The following BTBD16 variants were observed in gnomAD, a reference collection of about 807,000 sequenced individuals.
The protein encoded by BTBD16 is BTB domain containing 16.
Under a neutral mutation model 67.4 loss-of-function variants are expected in BTBD16, and 66 were observed. The ratio of observed to expected loss-of-function variants is 0.98; its 90% CI spans 0.80 to 1.20. BTBD16 has a LOEUF of 1.20. Among genes scored for constraint, BTBD16 ranks in the 50% most tolerant of loss-of-function variants. BTBD16 has a pLI of 0.00. For synonymous variants in BTBD16, 242 were observed against 236.4 expected, an observed-to-expected ratio of 1.02 and a Z score of -0.22; for missense variants, 634 against 616.0, an observed-to-expected ratio of 1.03 and a Z score of -0.31.
intron 9 of BTBD16, among the ~76,000 whole-genome samples, chr10:122,304,789 G>A (rs962973960): frequency 3.9e-5 from 6 of 152,006 alleles, no homozygotes; most frequent in Admixed American, 2.0e-4. Flanking sequence ...TCCTGACCTC[G>A]TGATCTGCCC....
intron 15 of BTBD16, among the ~76,000 whole-genome samples, 197 bp from the exon 16 acceptor site, chr10:122,337,820 G>T (rs915269070): frequency 1.3e-5 from 2 of 152,200 alleles, no homozygotes; most frequent in African/African-American, 4.8e-5. Flanking sequence ...CTTCAGATTT[G>T]TGCACGTTAT....
At chr10:122,311,204 A>T (rs919653622) in intron 10 of BTBD16, among the ~76,000 whole-genome samples, 1 of 152,190 alleles carries the variant, frequency 6.6e-6, no homozygotes, top group Non-Finnish European at 1.5e-5. Flanking sequence ...TTGAAGGGGC[A>T]GTTTCTTTGC....
chr10:122,290,352 T>C (rs2096371661), intron 6 of BTBD16, among the ~76,000 whole-genome samples: 1 of 152,052 alleles, frequency 6.6e-6, no homozygotes, highest in South Asian at 2.1e-4. Context: ...CCAGCCTTGC[T>C]CCCAAATAAC....
intron 10 of BTBD16, among the ~76,000 whole-genome samples, chr10:122,321,676 G>A (rs72826340): frequency 1.3e-5 from 2 of 152,046 alleles, no homozygotes; most frequent in Admixed American, 6.6e-5. Flanking sequence ...GTATTTGCTC[G>A]TGTACTTTTT....
intron 11 of BTBD16, 100 bp from the exon 12 acceptor site, chr10:122,331,076 C>G: frequency 6.7e-7 from 1 of 1,490,134 alleles, no homozygotes; most frequent in Non-Finnish European, 9.0e-7. Context: ...CTTTCCCTTC[C>G]CTCAGCTCCG....
intron 1 of BTBD16, among the ~76,000 whole-genome samples, chr10:122,272,541 A>G (rs1203899641): frequency 6.6e-6 from 1 of 152,104 alleles, no homozygotes; most frequent in African/African-American, 2.4e-5. Context: ...AGGTTTCATC[A>G]TATTGGTTAG....
rs1266409887 is a variant in BTBD16, at chr10:122,271,306, A to G, written c.-251A>G. The G allele has an allele frequency of 1.3e-5, 2 of 152,282 alleles. No homozygotes were observed. Among genetic ancestry groups the G allele is most frequent in the East Asian group, 3.9e-4 (2 of 5,186 alleles). 9.4% of individuals were successfully genotyped at this position (152,282 alleles called of 1,614,324 possible). On this transcript the variant is annotated 5_prime_UTR_variant, in exon 1 of 16. Coordinates refer to ENST00000260723, the MANE Select transcript of BTBD16 (RefSeq NM_144587.5). ...GTTGCCGTGGTGCTCACAACCACCC[A>G]GGAAACCAAGGCAAGCTCCCCCTGT...
intron 2 of BTBD16, among the ~76,000 whole-genome samples, chr10:122,276,164 C>G (rs2096340089): frequency 6.6e-6 from 1 of 152,140 alleles, no homozygotes; most frequent in African/African-American, 2.4e-5. Context: ...AAAGTCAGAA[C>G]ATAGGGGCTA....
In BTBD16 at chr10:122,336,616, GCAGGAGTT is replaced by G. The variant is rs748247898; in HGVS notation, c.1392_1399del (p.Glu464AspfsTer64). 1 of 1,612,794 alleles carries G rather than the reference GCAGGAGTT, an allele frequency of 6.2e-7. No homozygotes were observed. The highest frequency in any genetic ancestry group is 8.5e-7 in the Non-Finnish European group (1 of 1,179,680). ...CAGAGGCCCTGGTTGACGGCAAGTG[GCAGGAGTT>G]CAGGACAAACCAGATCAAGCAGAAG... On this transcript the variant is annotated frameshift_variant, in exon 15 of 16. Coordinates refer to ENST00000260723, the MANE Select transcript of BTBD16 (RefSeq NM_144587.5). LOFTEE classifies it high-confidence loss of function.
intron 2 of BTBD16, among the ~76,000 whole-genome samples, chr10:122,275,395 A>C (rs1049817029): frequency 1.3e-5 from 2 of 152,214 alleles, no homozygotes; most frequent in Non-Finnish European, 2.9e-5. Context: ...ATACTAAGGC[A>C]TATTTCCCAA....
intron 9 of BTBD16, among the ~76,000 whole-genome samples, chr10:122,299,389 C>G (rs12217181): frequency 2.6e-5 from 4 of 151,978 alleles, no homozygotes; most frequent in Non-Finnish European, 5.9e-5. Flanking sequence ...CACCTGGGTG[C>G]GAAAAATGAA....
intron 2 of BTBD16, among the ~76,000 whole-genome samples, chr10:122,275,371 A>G (rs747206755): frequency 6.6e-6 from 1 of 152,174 alleles, no homozygotes; most frequent in Non-Finnish European, 1.5e-5. Context: ...ATCACCCACC[A>G]TCTTCTAGGC....
chr10:122,324,349 C>T (rs1338400646), intron 10 of BTBD16, among the ~76,000 whole-genome samples: 1 of 152,200 alleles, frequency 6.6e-6, no homozygotes, highest in East Asian at 1.9e-4. Flanking sequence ...AGGAGAGCTT[C>T]CCTGCCATGC....
At chr10:122,335,584 A>G (rs760328308) in intron 14 of BTBD16, among the ~76,000 whole-genome samples, 39 of 152,256 alleles carry the variant, frequency 2.6e-4, no homozygotes, top group Admixed American at 4.6e-4. Context: ...CAGAGAAGGT[A>G]ACAGGACATA....
intron 14 of BTBD16, among the ~76,000 whole-genome samples, 188 bp downstream of exon 14, chr10:122,335,167 T>A (rs191471003): frequency 4.5e-4 from 68 of 152,348 alleles, no homozygotes; most frequent in Non-Finnish European, 8.2e-4. Context: ...AAGTAGGTAT[T>A]GGTAGCCCAT....
intron 10 of BTBD16, among the ~76,000 whole-genome samples, chr10:122,312,916 G>A (rs1166886952): frequency 1.3e-5 from 2 of 151,632 alleles, no homozygotes; most frequent in African/African-American, 2.4e-5. Flanking sequence ...TCACTCTGTT[G>A]CCCAGGCTGG....
At chr10:122,306,575 C>T (rs1174910323) in intron 9 of BTBD16, among the ~76,000 whole-genome samples, 1 of 152,164 alleles carries the variant, frequency 6.6e-6, no homozygotes, top group Non-Finnish European at 1.5e-5. Context: ...GGTCTGAGCC[C>T]AGAATTGTGT....
chr10:122,300,769 C>G (rs2096392422), intron 9 of BTBD16, among the ~76,000 whole-genome samples: 1 of 151,974 alleles, frequency 6.6e-6, no homozygotes, highest in South Asian at 2.1e-4. Context: ...TTCCAAGTTA[C>G]CAAAATTTTA....
chr10:122,288,602 G>A (rs1224061796), intron 5 of BTBD16, among the ~76,000 whole-genome samples: 3 of 139,416 alleles, frequency 2.2e-5, no homozygotes, highest in African/African-American at 5.0e-5. Flanking sequence ...CCAGTGGGTG[G>A]AGCGGCAAGT....
Sources: gnomAD v4.1 joint callset for allele counts (sites outside exome capture counted in the v4.1 genomes callset) on GRCh38, gnomAD v4.1.1 for gene constraint, MANE v1.5 for transcripts, NCBI Gene and HGNC (gene_info 2026-07-23, HGNC 2026-07-21) for gene names.